ZFHX4: variants seen among roughly 807,000 people sequenced by gnomAD.
ZFHX4 encodes the protein zinc finger homeobox protein 4.
ZFHX4 carries 56 observed loss-of-function variants against 267.6 expected under a neutral mutation model. The observed-to-expected ratio is 0.21, with a 90% CI of 0.17 to 0.26. ZFHX4 has a LOEUF of 0.26. Ranked by LOEUF, ZFHX4 falls within the 10% of genes least tolerant of loss-of-function variation. The probability of loss-of-function intolerance (pLI) is 1.00; values close to 1 mark genes in which losing one functional copy is unlikely to be tolerated. For synonymous variants in ZFHX4, 1,778 were observed against 1,665.6 expected (o/e 1.07, Z -1.64); for missense variants, 4,332 against 4,420.0 (o/e 0.98, Z 0.56).
At chr8:76,706,770 A>C in intron 2 of ZFHX4, 92 bp downstream of exon 2, 2 of 1,345,790 alleles carry the variant, frequency 1.5e-6, no homozygotes, top group Non-Finnish European at 2.0e-6. Context: ...GAGTGCCAAC[A>C]AATTGAGGAC....
intron 3 of ZFHX4, chr8:76,733,201 A>C (rs548339551): frequency 6.6e-6 from 1 of 152,342 alleles, no homozygotes; most frequent in South Asian, 2.1e-4. Context: ...TGCCAGGAAA[A>C]GCATGAAAAG....
intron 4 of ZFHX4, among the ~76,000 whole-genome samples, chr8:76,793,603 T>G (rs947844031): frequency 1.3e-5 from 2 of 152,210 alleles, no homozygotes; most frequent in Non-Finnish European, 2.9e-5. Flanking sequence ...AAAAATGATT[T>G]CACTTTATCC....
At position 76,723,541 on chromosome 8, in the gene ZFHX4, C is replaced by A. The variant is rs1808777839; in HGVS notation, c.3093+15493C>A. 2.0e-5 allele frequency among the ~76,000 whole-genome samples: 3 copies of A among 150,860 alleles called. No individual in the cohort carries two copies. The South Asian group carries it at 6.3e-4, about 32-fold the overall frequency. On this transcript the variant is annotated intron_variant, in intron 3 of 10. Transcript: ENST00000651372. ...TATGTAGGGAAAAATAACTAAATAT[C>A]TCTTAATTCCCTTGCTTTTTTTTTT...
At chr8:76,757,050 T>C (rs1327061598) in intron 3 of ZFHX4, among the ~76,000 whole-genome samples, 1 of 152,108 alleles carries the variant, frequency 6.6e-6, no homozygotes, top group African/African-American at 2.4e-5. Flanking sequence ...CCGACTCTTA[T>C]CTCAGGAATT....
rs1047264116 is a variant in ZFHX4, at chr8:76,851,802, G to A, written c.4881G>A (p.Glu1627=). The change falls in exon 10 of 11, where the codon GAG becomes GAA. Residue 1627 remains glutamate (E), a synonymous_variant. Transcript: ENST00000651372. ...HQTKARAAKL[E]PSGHVAGGHS... ...CAAAGGCTAGGGCTGCAAAGCTGGA[G>A]CCCAGTGGTCATGTGGCTGGTGGGC... 2.5e-6 allele frequency: 4 copies of A among 1,613,976 alleles called. No homozygotes were observed. In the South Asian group the frequency reaches 3.3e-5, roughly 13 times the overall value.
At chr8:76,800,731 T>C (rs1217238633) in intron 4 of ZFHX4, among the ~76,000 whole-genome samples, 1 of 152,200 alleles carries the variant, frequency 6.6e-6, no homozygotes, top group African/African-American at 2.4e-5. Flanking sequence ...ATGTACCAGA[T>C]TATAAAACTT....
intron 3 of ZFHX4, among the ~76,000 whole-genome samples, chr8:76,711,934 G>A (rs1352063929): frequency 6.6e-6 from 1 of 152,188 alleles, no homozygotes; most frequent in African/African-American, 2.4e-5. Context: ...TACTCTTGCT[G>A]CATCTGTACT....
intron 6 of ZFHX4, among the ~76,000 whole-genome samples, chr8:76,846,925 G>A (rs1047640874): frequency 6.6e-6 from 1 of 152,120 alleles, no homozygotes; most frequent in Non-Finnish European, 1.5e-5. Flanking sequence ...ACAGGGACCT[G>A]GATCGACTTA....
intron 3 of ZFHX4, among the ~76,000 whole-genome samples, chr8:76,769,061 G>A (rs1810188873): frequency 6.6e-6 from 1 of 152,026 alleles, no homozygotes; most frequent in African/African-American, 2.4e-5. Context: ...TTGTGCCACT[G>A]CACTCCAGCC....
intron 4 of ZFHX4, among the ~76,000 whole-genome samples, chr8:76,811,784 C>A (rs756406804): frequency 5.0e-4 from 76 of 152,232 alleles, no homozygotes; most frequent in Non-Finnish European, 9.9e-4. Context: ...TGTGGCCAGG[C>A]GTGGTGGCAC....
intron 3 of ZFHX4, among the ~76,000 whole-genome samples, chr8:76,733,034 A>G (rs144657833): frequency 1.1e-3 from 165 of 152,298 alleles, no homozygotes; most frequent in Non-Finnish European, 1.0e-3. Context: ...CTGGAATCAT[A>G]TATCCCTCTC....
At chr8:76,836,125 A>C (rs1295821830) in intron 5 of ZFHX4, among the ~76,000 whole-genome samples, 2 of 152,166 alleles carry the variant, frequency 1.3e-5, no homozygotes, top group Admixed American at 6.5e-5. Context: ...ATATATTGTG[A>C]ATAAGACAGA....
chr8:76,858,625 G>A (rs1287302511), intron 10 of ZFHX4, among the ~76,000 whole-genome samples: 3 of 152,160 alleles, frequency 2.0e-5, no homozygotes, highest in Non-Finnish European at 4.4e-5. Flanking sequence ...TTTACTTATG[G>A]TGGGTAGTGC....
chr8:76,842,107 CT>C (rs1360578903), intron 5 of ZFHX4, among the ~76,000 whole-genome samples: 1 of 151,834 alleles, frequency 6.6e-6, no homozygotes, highest in African/African-American at 2.4e-5. Flanking sequence ...GTATAGCTCC[CT>C]CTACAGAAGA....
chr8:76,695,179 A>C (rs12674508), intron 1 of ZFHX4, among the ~76,000 whole-genome samples: 4,081 of 152,268 alleles, frequency 0.027, 203 homozygotes, highest in East Asian at 0.24. Context: ...TCCAGGCTAC[A>C]GGCCAGAAAC....
intron 1 of ZFHX4, among the ~76,000 whole-genome samples, chr8:76,700,909 T>C (rs897828476): frequency 6.6e-6 from 1 of 152,170 alleles, no homozygotes; most frequent in Non-Finnish European, 1.5e-5. Flanking sequence ...AAGGAACTTT[T>C]ATAGTGAGTT....
intron 3 of ZFHX4, among the ~76,000 whole-genome samples, chr8:76,763,341 A>G (rs541701268): frequency 1.2e-3 from 178 of 152,262 alleles, no homozygotes; most frequent in Non-Finnish European, 2.2e-3. Flanking sequence ...AAGATTAAGA[A>G]AGTGATTACA....
intron 3 of ZFHX4, among the ~76,000 whole-genome samples, chr8:76,750,639 T>C (rs780812082): frequency 4.6e-5 from 7 of 152,176 alleles, no homozygotes; most frequent in Non-Finnish European, 7.4e-5. Flanking sequence ...TATTTACTAG[T>C]CTGTTTCCCA....
rs1004414560 is a variant in ZFHX4 at position 76,866,154 on chromosome 8, G to A, written c.*1589G>A. ...AAGGTTATTTGTAAGAAAGTTAAAG[G>A]CTTGTGAACAAAGAAAGCTAAGCTG... On this transcript the variant is annotated 3_prime_UTR_variant, in exon 11 of 11. Transcript: ENST00000651372. 1 of 152,596 alleles carries A rather than the reference G, an allele frequency of 6.6e-6. No homozygotes were observed. The highest frequency in any genetic ancestry group is 1.5e-5 in the Non-Finnish European group (1 of 68,028). The allele number at this position is 152,596 out of a possible 1,614,324, so 9.5% of individuals were successfully genotyped here.
Sources: allele counts gnomAD v4.1 joint callset (sites outside exome capture counted in the v4.1 genomes callset), GRCh38; gene constraint gnomAD v4.1.1; transcripts MANE v1.5; gene names NCBI Gene and HGNC (gene_info 2026-07-23, HGNC 2026-07-21).